The following SLC36A1 variants were observed in gnomAD, a reference collection of about 807,000 sequenced individuals.
SLC36A1 encodes the protein proton-coupled amino acid transporter 1.
A neutral mutation model predicts 47.5 loss-of-function variants in SLC36A1; 30 were observed. The observed-to-expected ratio is 0.63, with a 90% CI of 0.47 to 0.86. SLC36A1 has a LOEUF of 0.86. SLC36A1 is among the 40% of genes least tolerant of loss of function. The probability of loss-of-function intolerance (pLI) is 0.00; values close to 1 mark genes in which losing one functional copy is unlikely to be tolerated. For synonymous variants in SLC36A1, 255 were observed against 249.7 expected (o/e 1.02, Z -0.20); for missense variants, 517 against 606.0 (o/e 0.85, Z 1.54).
chr5:151,358,784 T>C, the SLC36A1 span, among the ~76,000 whole-genome samples: 20 of 151,384 alleles, frequency 1.3e-4, no homozygotes, highest in East Asian at 3.5e-3. Context: ...CCATCCTGGC[T>C]AACAAGGTGA....
the SLC36A1 span, chr5:151,521,430 A>G: frequency 6.2e-7 from 1 of 1,614,214 alleles, no homozygotes; most frequent in Non-Finnish European, 8.5e-7. Flanking sequence ...CCATGGGCAT[A>G]GCTGACCGCA....
the SLC36A1 span, among the ~76,000 whole-genome samples, chr5:151,541,585 G>A: frequency 1.4e-4 from 22 of 152,126 alleles, no homozygotes; most frequent in African/African-American, 5.3e-4. Flanking sequence ...ACCTGGGGAT[G>A]AGAAAAAAAG....
In SLC36A1 at chr5:151,465,161, C is replaced by G. The variant is rs1339051691; in HGVS notation, c.411C>G (p.His137Gln). The G allele has an allele frequency of 3.7e-6, 6 of 1,613,502 alleles. No homozygotes were observed. The highest frequency in any genetic ancestry group is 4.2e-6 in the Non-Finnish European group (5 of 1,179,402). ...GCTCCTGGCTCCGGAACCACGCACA[C>G]TGGGGAAGGTAACTGATTTCCTCCT... ...SPCSWLRNHA[H>Q]WGRRVVDFFL... is the part of the protein sequence containing the mutation. Residue 137 changes from histidine to glutamine, a missense_variant, in exon 5 of 11, where the codon CAC (histidine) becomes CAG (glutamine). His to Gln is a conservative substitution (Grantham distance 24). Coordinates refer to ENST00000243389, the MANE Select transcript of SLC36A1 (RefSeq NM_078483.4).
the SLC36A1 span, chr5:151,382,227 G>A: frequency 6.6e-4 from 859 of 1,295,354 alleles, 9 homozygotes; most frequent in African/African-American, 0.011. Context: ...CTGCAAGTGC[G>A]GGTCACTCAT....
the SLC36A1 span, among the ~76,000 whole-genome samples, chr5:151,396,201 C>A: frequency 0.5 from 75,155 of 151,512 alleles, 20,614 homozygotes; most frequent in African/African-American, 0.75. Flanking sequence ...CAACCTCCAC[C>A]TCCCGGGTTC....
At chr5:151,472,460 CCTT>C (rs1293351624) in intron 7 of SLC36A1, among the ~76,000 whole-genome samples, 2 of 152,238 alleles carry the variant, frequency 1.3e-5, no homozygotes, top group African/African-American at 4.8e-5. Context: ...TACTTTGCCT[CCTT>C]CAGTGCAATC....
intron 7 of SLC36A1, among the ~76,000 whole-genome samples, chr5:151,468,459 A>T (rs1382731817): frequency 1.4e-5 from 2 of 147,606 alleles, no homozygotes; most frequent in African/African-American, 5.0e-5. Flanking sequence ...TAATATATAT[A>T]TGTAAGTGGA....
At chr5:151,448,874 G>T (rs1753205961) in intron 1 of SLC36A1, among the ~76,000 whole-genome samples, 1 of 152,126 alleles carries the variant, frequency 6.6e-6, no homozygotes, top group Non-Finnish European at 1.5e-5. Context: ...GGCCCCTTCT[G>T]CTGTGATCTG....
At chr5:151,432,308 T>C (rs1759400336), upstream of SLC36A1, among the ~76,000 whole-genome samples, 1 of 152,218 alleles carries the variant, frequency 6.6e-6, no homozygotes. Context: ...CAGTTGCTCT[T>C]GCAAAGGCGG....
the SLC36A1 span, among the ~76,000 whole-genome samples, chr5:151,528,553 T>C: frequency 6.6e-6 from 1 of 152,156 alleles, no homozygotes; most frequent in Non-Finnish European, 1.5e-5. Flanking sequence ...CTTTCGGGGC[T>C]GGAGCAGGCA....
the SLC36A1 span, among the ~76,000 whole-genome samples, chr5:151,375,503 A>G: frequency 6.6e-6 from 1 of 152,096 alleles, no homozygotes; most frequent in East Asian, 1.9e-4. Context: ...TGGTGCCTTC[A>G]GCTCTATTCT....
intron 1 of SLC36A1, among the ~76,000 whole-genome samples, chr5:151,454,680 C>A (rs1357077762): frequency 6.6e-6 from 1 of 150,774 alleles, no homozygotes; most frequent in Non-Finnish European, 1.5e-5. Flanking sequence ...CCTTTGAGGC[C>A]CCAAATAACA....
the SLC36A1 span, among the ~76,000 whole-genome samples, chr5:151,411,781 G>A: frequency 2.1e-5 from 3 of 144,018 alleles, no homozygotes; most frequent in African/African-American, 7.6e-5. Flanking sequence ...TTTTTCCCAC[G>A]GATAAGAAAA....
chr5:151,505,680 C>G, the SLC36A1 span: 1 of 1,613,980 alleles, frequency 6.2e-7, no homozygotes, highest in African/African-American at 1.3e-5. Flanking sequence ...CTCCACCTCA[C>G]AGACAGCATA....
chr5:151,539,976 C>T, the SLC36A1 span, among the ~76,000 whole-genome samples: 1 of 152,292 alleles, frequency 6.6e-6, no homozygotes, highest in Admixed American at 6.5e-5. Context: ...TGAGGAGGTG[C>T]ATATATGGGC....
the SLC36A1 span, among the ~76,000 whole-genome samples, chr5:151,407,966 C>G: frequency 6.6e-6 from 1 of 152,168 alleles, no homozygotes; most frequent in African/African-American, 2.4e-5. Context: ...TTGTGATAGG[C>G]CAGGCACTGT....
downstream of SLC36A1, among the ~76,000 whole-genome samples, chr5:151,497,091 GTCTA>G (rs1760366234): frequency 6.6e-6 from 1 of 152,030 alleles, no homozygotes; most frequent in African/African-American, 2.4e-5. Flanking sequence ...CTTTTCCAGT[GTCTA>G]TCTCTTTTCT....
At chr5:151,506,209 CATAGG>C in the SLC36A1 span, 5 of 1,154,268 alleles carry the variant, frequency 4.3e-6, no homozygotes, top group African/African-American at 6.3e-5. Context: ...AGTGGGTGGG[CATAGG>C]CCCATCTGTG....
the SLC36A1 span, chr5:151,347,145 C>T: frequency 1.1e-6 from 1 of 888,630 alleles, no homozygotes; most frequent in Non-Finnish European, 1.8e-6. Context: ...ACTTCTGCCT[C>T]AGCTTGACTC....
Sources: allele counts gnomAD v4.1 joint callset (sites outside exome capture counted in the v4.1 genomes callset), GRCh38; gene constraint gnomAD v4.1.1; transcripts MANE v1.5; gene names NCBI Gene and HGNC (gene_info 2026-07-23, HGNC 2026-07-21).